The following FRMD4A variants were observed in gnomAD, a reference collection of about 807,000 sequenced individuals.
The protein encoded by FRMD4A is FERM domain-containing protein 4A.
In FRMD4A, 29 loss-of-function variants were observed where a neutral mutation model predicts 129.1. The ratio of observed to expected loss-of-function variants is 0.22; its 90% CI spans 0.17 to 0.31. The LOEUF is 0.31. FRMD4A is among the 10% of genes least tolerant of loss of function. The pLI, the probability that FRMD4A is intolerant of heterozygous loss-of-function variation, is 1.00. For missense variants in FRMD4A, 1,272 were observed against 1,375.8 expected (o/e 0.92, Z 1.19); for synonymous variants, 634 against 571.6 (o/e 1.11, Z -1.56).
chr10:13,770,278 A>C (rs1272232602), intron 6 of FRMD4A, among the ~76,000 whole-genome samples: 1 of 152,018 alleles, frequency 6.6e-6, no homozygotes, highest in East Asian at 1.9e-4. Flanking sequence ...AAGTCACTTC[A>C]TGTTTGTCTA....
Position 13,666,189 on chromosome 10 carries a change from A to C in FRMD4A, c.1511T>G (p.Leu504Arg). 1 of 1,613,424 alleles carries C rather than the reference A, an allele frequency of 6.2e-7. No homozygotes were observed. The highest frequency in any genetic ancestry group is 8.5e-7 in the Non-Finnish European group (1 of 1,179,374). ...ATTTTCAATCTCCTGCAGTTTCTTC[A>C]GTGCATTCAGATACGAGGTTTTCCT... is the stretch of plus-strand genomic sequence containing the variant. ...KQRKTSYLNALKKLQEIENAI... is the reference protein window; with the variant it reads ...KQRKTSYLNARKKLQEIENAI... Residue 504 changes from leucine (L) to arginine (R), a missense_variant, in exon 18 of 25, where the codon CTG (leucine) becomes CGG (arginine). Leu to Arg is a moderately radical substitution (Grantham distance 102). Coordinates refer to ENST00000357447, the MANE Select transcript of FRMD4A (RefSeq NM_018027.5).
chr10:14,088,039 C>A (rs1394227530), intron 2 of FRMD4A, among the ~76,000 whole-genome samples: 1 of 152,144 alleles, frequency 6.6e-6, no homozygotes, highest in African/African-American at 2.4e-5. Context: ...AGAGCAGAAA[C>A]TAACAGAGCC....
At chr10:13,691,552 T>C (rs1381656281) in intron 15 of FRMD4A, among the ~76,000 whole-genome samples, 2 of 152,168 alleles carry the variant, frequency 1.3e-5, no homozygotes, top group African/African-American at 2.4e-5. Context: ...TTAAAGCGAC[T>C]AGACCAGCAG....
chr10:13,790,587 C>T (rs572210251), intron 5 of FRMD4A, among the ~76,000 whole-genome samples: 2 of 152,208 alleles, frequency 1.3e-5, no homozygotes, highest in South Asian at 4.2e-4. Flanking sequence ...TGCCACAGAG[C>T]CGGGGGAACT....
intron 3 of FRMD4A, among the ~76,000 whole-genome samples, chr10:13,823,006 G>A (rs1163563542): frequency 6.6e-6 from 1 of 152,054 alleles, no homozygotes; most frequent in Admixed American, 6.5e-5. Flanking sequence ...TTTATTCCCT[G>A]GGTGTCATCT....
chr10:13,854,270 T>A (rs2094182733), intron 3 of FRMD4A, among the ~76,000 whole-genome samples: 1 of 152,078 alleles, frequency 6.6e-6, no homozygotes, highest in African/African-American at 2.4e-5. Context: ...ATGAAGAAAA[T>A]AATTTTCAAG....
chr10:14,323,801 A>T (rs1843160598), intron 2 of FRMD4A, among the ~76,000 whole-genome samples: 1 of 152,192 alleles, frequency 6.6e-6, no homozygotes, highest in Non-Finnish European at 1.5e-5. Context: ...TGGCCCGCGA[A>T]GAGCCTGTTA....
At chr10:14,128,394 C>T (rs1839044654) in intron 2 of FRMD4A, among the ~76,000 whole-genome samples, 1 of 152,090 alleles carries the variant, frequency 6.6e-6, no homozygotes, top group East Asian at 1.9e-4. Flanking sequence ...ATGAGCCACC[C>T]CGCCCAGCAT....
At position 13,772,108 on chromosome 10, in the gene FRMD4A, C is replaced by T. The variant is rs187499737; in HGVS notation, c.385-9428G>A. The stretch of plus-strand genomic sequence containing the variant: ...CTCCAGCCTGGGTGACTGAGCAAGA[C>T]TCCGCCTCAAAAAAATATATATATT... On this transcript the variant is annotated intron_variant, in intron 6 of 24. Coordinates refer to ENST00000357447, the MANE Select transcript of FRMD4A (RefSeq NM_018027.5). Among the ~76,000 whole-genome samples the T allele has an allele frequency of 7.5e-3, 1,092 of 145,592 alleles. 13 individuals carry two copies. The highest frequency in any genetic ancestry group is 0.027 in the African/African-American group (1,046 of 39,272).
intron 3 of FRMD4A, among the ~76,000 whole-genome samples, chr10:13,831,125 C>A (rs1012627918): frequency 6.6e-6 from 1 of 152,196 alleles, no homozygotes. Flanking sequence ...AGACCTGACA[C>A]TTCTTAGCTA....
intron 24 of FRMD4A, chr10:13,649,135 C>G (rs1478528280): frequency 6.6e-6 from 1 of 152,094 alleles, no homozygotes; most frequent in Non-Finnish European, 1.5e-5. Context: ...AGTTGACTCT[C>G]TTGTATGTTG....
intron 13 of FRMD4A, 110 bp downstream of exon 13, chr10:13,706,927 C>T (rs528231315): frequency 4.5e-6 from 3 of 661,068 alleles, no homozygotes; most frequent in African/African-American, 1.8e-5. Context: ...CCCCCACCCT[C>T]GCTCCCTGCT....
intron 24 of FRMD4A, chr10:13,648,587 T>C (rs1008984776): frequency 6.6e-6 from 1 of 152,236 alleles, no homozygotes; most frequent in East Asian, 1.9e-4. Context: ...CCTGAGCAGC[T>C]TTGAAACCAC....
chr10:14,245,672 A>G (rs535402231), intron 2 of FRMD4A, among the ~76,000 whole-genome samples: 1 of 152,258 alleles, frequency 6.6e-6, no homozygotes, highest in East Asian at 1.9e-4. Flanking sequence ...AGACGAGGAA[A>G]TTTGGACAGA....
At chr10:14,264,056 A>C (rs1410074185) in intron 2 of FRMD4A, among the ~76,000 whole-genome samples, 1 of 152,196 alleles carries the variant, frequency 6.6e-6, no homozygotes, top group Non-Finnish European at 1.5e-5. Flanking sequence ...TGTCTACGAA[A>C]ACTAATGACT....
At chr10:14,277,112 C>G (rs1218361) in intron 2 of FRMD4A, among the ~76,000 whole-genome samples, 93,935 of 152,030 alleles carry the variant, frequency 0.62, 30,411 homozygotes, top group African/African-American at 0.82. Context: ...CAATCCTCCT[C>G]CATCCTCCCA....
chr10:13,837,603 T>C (rs988964917), intron 3 of FRMD4A, among the ~76,000 whole-genome samples: 1 of 152,362 alleles, frequency 6.6e-6, no homozygotes, highest in African/African-American at 2.4e-5. Flanking sequence ...TAATTTCTTA[T>C]CCACTCAGGC....
At chr10:13,705,736 A>G (rs1358938357) in intron 13 of FRMD4A, among the ~76,000 whole-genome samples, 17 of 152,028 alleles carry the variant, frequency 1.1e-4, no homozygotes, top group African/African-American at 4.1e-4. Context: ...TGGCCGCGAA[A>G]CCCCTTGCAG....
chr10:14,328,574 C>T lies in FRMD4A; in HGVS notation c.45+1484G>A, dbSNP rs552824328. Reference sequence around the variant, plus strand: ...AAAACTTTTCTCCTCTATATTAACACGATGCAGGATTTATTTCTGTTAGTG... The same window carrying T: ...AAAACTTTTCTCCTCTATATTAACATGATGCAGGATTTATTTCTGTTAGTG... On this transcript the variant is annotated intron_variant, in intron 2 of 24. Transcript: ENST00000357447. Among the ~76,000 whole-genome samples the T allele has an allele frequency of 6.0e-5, 9 of 150,738 alleles. No individual in the cohort carries two copies. The East Asian group carries it at 9.8e-4, about 16-fold the overall frequency.
Sources: gnomAD v4.1 joint callset for allele counts (sites outside exome capture counted in the v4.1 genomes callset) on GRCh38, gnomAD v4.1.1 for gene constraint, MANE v1.5 for transcripts, NCBI Gene and HGNC (gene_info 2026-07-23, HGNC 2026-07-21) for gene names.